The following AFF3 variants were observed in gnomAD, a reference collection of about 807,000 sequenced individuals.
AFF3 encodes the protein ALF transcription elongation factor 3.
AFF3 carries 32 observed loss-of-function variants against 129.7 expected under a neutral mutation model. That is an observed-to-expected ratio of 0.25 (90% CI 0.19 to 0.33). The LOEUF (loss-of-function observed/expected upper bound fraction) is 0.33, where lower values mean the gene tolerates loss of function less well. Ranked by LOEUF, AFF3 falls within the 10% of genes least tolerant of loss-of-function variation. The probability of loss-of-function intolerance (pLI) is 1.00; values close to 1 mark genes in which losing one functional copy is unlikely to be tolerated. For synonymous variants in AFF3, 644 were observed against 635.4 expected (o/e 1.01, Z -0.20); for missense variants, 1,373 against 1,592.0 (o/e 0.86, Z 2.34).
At chr2:99,628,802 C>T (rs1682852047) in intron 13 of AFF3, among the ~76,000 whole-genome samples, 1 of 150,644 alleles carries the variant, frequency 6.6e-6, no homozygotes. Context: ...CTCGCTGCAA[C>T]CTCTGCCTCC....
At chr2:99,884,527 T>C (rs569174561) in intron 7 of AFF3, among the ~76,000 whole-genome samples, 1 of 152,118 alleles carries the variant, frequency 6.6e-6, no homozygotes, top group South Asian at 2.1e-4. Context: ...GCCTCCCCAG[T>C]AGCTGGGACT....
At chr2:100,014,783 C>CTTTTTTTTTTTTTT (rs60456923) in intron 4 of AFF3, among the ~76,000 whole-genome samples, 3 of 120,416 alleles carry the variant, frequency 2.5e-5, no homozygotes, top group African/African-American at 1.0e-4. Flanking sequence ...ACCTTGCTTC[C>CTTTTTTTTTTTTTT]TTTTTTTTTT....
intron 12 of AFF3, among the ~76,000 whole-genome samples, chr2:99,672,197 C>T (rs1034461897): frequency 3.4e-5 from 1 of 29,598 alleles, no homozygotes. Context: ...CACACACACA[C>T]ACACACACAC....
intron 10 of AFF3, among the ~76,000 whole-genome samples, chr2:99,730,618 G>A (rs1358466588): frequency 6.6e-6 from 1 of 150,996 alleles, no homozygotes; most frequent in African/African-American, 2.4e-5. Context: ...GGTTCAAAGC[G>A]ATTCTCCTGC....
intron 7 of AFF3, among the ~76,000 whole-genome samples, chr2:99,863,850 T>C (rs1464926927): frequency 6.6e-6 from 1 of 152,242 alleles, no homozygotes; most frequent in Non-Finnish European, 1.5e-5. Context: ...GCCACAAAGA[T>C]GTCGCTTCTT....
At position 99,901,565 on chromosome 2, in the gene AFF3, T is replaced by C. The variant is rs1444608512; in HGVS notation, c.874-64041A>G. Among the ~76,000 whole-genome samples the C allele has an allele frequency of 2.6e-5, 4 of 152,186 alleles. No individual in the cohort carries two copies. In the East Asian group the frequency reaches 5.8e-4, roughly 22 times the overall value. On this transcript the variant is annotated intron_variant, in intron 7 of 24. Transcript: ENST00000672756. ...TGGCTGGCAACTCCACCCTTCCCAC[T>C]GGCCAAACTGGGAATCTGGGGCTTA...
chr2:99,772,030 G>A (rs1210069652), intron 8 of AFF3, among the ~76,000 whole-genome samples: 1 of 152,140 alleles, frequency 6.6e-6, no homozygotes, highest in African/African-American at 2.4e-5. Context: ...ATCGACATGC[G>A]GTATTCCTGC....
At chr2:99,677,263 C>CAAAAAAAAA (rs386390727) in intron 11 of AFF3, among the ~76,000 whole-genome samples, 1 of 105,158 alleles carries the variant, frequency 9.5e-6, no homozygotes. Flanking sequence ...GACCCTGTCT[C>CAAAAAAAAA]AAAAAAAAAA....
At chr2:99,573,694 A>G (rs930866200) in intron 18 of AFF3, among the ~76,000 whole-genome samples, 5 of 152,198 alleles carry the variant, frequency 3.3e-5, no homozygotes, top group Admixed American at 3.3e-4. Context: ...TTCACATGCC[A>G]TGGCCTTCAG....
chr2:99,586,561 T>A (rs1305968217), intron 16 of AFF3, among the ~76,000 whole-genome samples: 1 of 152,234 alleles, frequency 6.6e-6, no homozygotes, highest in Non-Finnish European at 1.5e-5. Context: ...CTTCTACGAC[T>A]GATGATAAGC....
chr2:99,706,330 C>A (rs1316644821), intron 11 of AFF3, among the ~76,000 whole-genome samples: 2 of 152,182 alleles, frequency 1.3e-5, no homozygotes, highest in African/African-American at 4.8e-5. Flanking sequence ...ACCGATTGGT[C>A]CTCTGTCATT....
At chr2:100,031,046 A>C (rs1383364699) in intron 4 of AFF3, among the ~76,000 whole-genome samples, 1 of 152,238 alleles carries the variant, frequency 6.6e-6, no homozygotes, top group Non-Finnish European at 1.5e-5. Context: ...ATGCATTTTA[A>C]ATGTATTTTA....
intron 7 of AFF3, among the ~76,000 whole-genome samples, chr2:99,872,059 A>T (rs1691901766): frequency 6.6e-6 from 1 of 151,796 alleles, no homozygotes; most frequent in African/African-American, 2.4e-5. Flanking sequence ...ACAAAAAATT[A>T]GCCAGTCGTG....
At chr2:99,580,371 T>G (rs185857745) in intron 17 of AFF3, among the ~76,000 whole-genome samples, 3 of 152,304 alleles carry the variant, frequency 2.0e-5, no homozygotes, top group Admixed American at 2.0e-4. Flanking sequence ...GTTGAGTAGC[T>G]GGGATGGAGA....
intron 22 of AFF3, among the ~76,000 whole-genome samples, chr2:99,556,204 G>A (rs979412823): frequency 3.3e-5 from 5 of 152,240 alleles, no homozygotes; most frequent in Admixed American, 2.6e-4. Context: ...AGCACTATGG[G>A]AGGCTGAGGT....
chr2:100,061,843 G>A (rs1447819309), intron 4 of AFF3, among the ~76,000 whole-genome samples: 2 of 140,354 alleles, frequency 1.4e-5, no homozygotes, highest in African/African-American at 2.7e-5. Flanking sequence ...CCAAAGAGAT[G>A]GGTAGCACAG....
At position 99,922,996 on chromosome 2, in the gene AFF3, G is replaced by A. The variant is rs989566128; in HGVS notation, c.873+83636C>T. On this transcript the variant is annotated intron_variant, in intron 7 of 24. Coordinates refer to ENST00000672756, the MANE Select transcript of AFF3 (RefSeq NM_001386135.1). ...GCTTATGCCATTCGTTCCTAGTGCA[G>A]CACCCGGAGTAGCAACCTTATAAAT... is the stretch of plus-strand genomic sequence containing the variant. Among the ~76,000 whole-genome samples the A allele has an allele frequency of 1.5e-4, 23 of 152,236 alleles. No homozygotes were observed. In the South Asian group the frequency reaches 2.5e-3, roughly 16 times the overall value.
At chr2:99,789,094 G>A (rs1685012159) in intron 8 of AFF3, among the ~76,000 whole-genome samples, 1 of 152,146 alleles carries the variant, frequency 6.6e-6, no homozygotes, top group African/African-American at 2.4e-5. Context: ...GTTATACCAT[G>A]CATGACTGCA....
intron 2 of AFF3, among the ~76,000 whole-genome samples, chr2:100,122,186 T>G (rs1296207675): frequency 6.6e-6 from 1 of 152,262 alleles, no homozygotes; most frequent in Non-Finnish European, 1.5e-5. Flanking sequence ...AAAGTTGCCC[T>G]TCTCCATATT....
Sources: gnomAD v4.1 joint callset for allele counts (sites outside exome capture counted in the v4.1 genomes callset) on GRCh38, gnomAD v4.1.1 for gene constraint, MANE v1.5 for transcripts, NCBI Gene and HGNC (gene_info 2026-07-23, HGNC 2026-07-21) for gene names.